LRRC37A2: variants seen among roughly 807,000 people sequenced by gnomAD.
LRRC37A2 encodes leucine-rich repeat-containing protein 37A2.
In LRRC37A2, 9 loss-of-function variants were observed where a neutral mutation model predicts 68.8. That is an observed-to-expected ratio of 0.13 (90% CI 0.08 to 0.23). LRRC37A2 has a LOEUF of 0.23. LRRC37A2 is among the 10% of genes least tolerant of loss of function. LRRC37A2 has a pLI of 1.00. For missense variants in LRRC37A2, 168 were observed against 950.4 expected (o/e 0.18, Z 10.82); for synonymous variants, 63 against 367.6 (o/e 0.17, Z 9.48).
chr17:46,536,699 A>G (rs1228528200), intron 6 of LRRC37A2, among the ~76,000 whole-genome samples: 1 of 938 alleles, frequency 1.1e-3, no homozygotes, highest in African/African-American at 0.011. Context: ...TACAGTTGCC[A>G]TGTTAAAACA....
At chr17:46,900,202 T>TATATACAC in the LRRC37A2 span, among the ~76,000 whole-genome samples, 39 of 101,152 alleles carry the variant, frequency 3.9e-4, no homozygotes, top group East Asian at 1.7e-3. Flanking sequence ...TATATATATA[T>TATATACAC]ACACACACAC....
the LRRC37A2 span, among the ~76,000 whole-genome samples, chr17:46,883,764 T>G: frequency 6.6e-6 from 1 of 152,152 alleles, no homozygotes; most frequent in African/African-American, 2.4e-5. Flanking sequence ...GGGCGACTGG[T>G]GGCATCTTCC....
At chr17:46,836,726 A>T in the LRRC37A2 span, among the ~76,000 whole-genome samples, 1 of 152,154 alleles carries the variant, frequency 6.6e-6, no homozygotes, top group Non-Finnish European at 1.5e-5. Context: ...GGAGGTGAGC[A>T]GGGTTGGCCA....
At chr17:46,935,317 G>A in the LRRC37A2 span, 2 of 1,522,174 alleles carry the variant, frequency 1.3e-6, no homozygotes, top group African/African-American at 1.4e-5. Flanking sequence ...GATCCTTTCT[G>A]TTGGAGTTGA....
the LRRC37A2 span, among the ~76,000 whole-genome samples, chr17:47,035,366 G>C: frequency 6.6e-6 from 1 of 152,134 alleles, no homozygotes; most frequent in East Asian, 1.9e-4. Flanking sequence ...AATCTACTTT[G>C]AGTCCCTATG....
At chr17:46,939,865 A>G in the LRRC37A2 span, 34 of 994,102 alleles carry the variant, frequency 3.4e-5, no homozygotes, top group Admixed American at 5.3e-5. Context: ...CCTGAAGTCC[A>G]TCTAATGTGG....
the LRRC37A2 span, among the ~76,000 whole-genome samples, chr17:46,771,282 G>C: frequency 6.6e-6 from 1 of 152,092 alleles, no homozygotes; most frequent in Non-Finnish European, 1.5e-5. Flanking sequence ...CCGACGTCCC[G>C]CGTCCAGTTG....
chr17:46,950,434 C>G, the LRRC37A2 span, among the ~76,000 whole-genome samples: 1 of 152,176 alleles, frequency 6.6e-6, no homozygotes, highest in Non-Finnish European at 1.5e-5. Flanking sequence ...AGTGTATGAT[C>G]AGTGCCAGAG....
At chr17:46,762,788 G>A in the LRRC37A2 span, 1 of 152,100 alleles carries the variant, frequency 6.6e-6, no homozygotes, top group African/African-American at 2.4e-5. Flanking sequence ...TCATTACAAT[G>A]CACTCATGTA....
At chr17:46,786,958 G>A in the LRRC37A2 span, among the ~76,000 whole-genome samples, 1 of 143,806 alleles carries the variant, frequency 7.0e-6, no homozygotes, top group South Asian at 2.2e-4. Context: ...TTTTTTTTGA[G>A]ACAGGGTCTC....
chr17:46,852,418 G>C, the LRRC37A2 span, among the ~76,000 whole-genome samples: 2 of 150,876 alleles, frequency 1.3e-5, no homozygotes, highest in Non-Finnish European at 3.0e-5. Flanking sequence ...GTGTGTGTGT[G>C]TGTGTGTGTG....
the LRRC37A2 span, among the ~76,000 whole-genome samples, chr17:46,718,296 A>T: frequency 6.6e-6 from 1 of 152,216 alleles, no homozygotes; most frequent in Admixed American, 6.5e-5. Context: ...CATACTGGCC[A>T]TGCCGGGCCA....
the LRRC37A2 span, among the ~76,000 whole-genome samples, chr17:46,742,227 T>C: frequency 6.6e-6 from 1 of 152,246 alleles, no homozygotes; most frequent in African/African-American, 2.4e-5. Flanking sequence ...TTCTTTAAAA[T>C]TTGTTGCTAT....
At chr17:46,934,479 G>A in the LRRC37A2 span, among the ~76,000 whole-genome samples, 1 of 151,976 alleles carries the variant, frequency 6.6e-6, no homozygotes, top group Non-Finnish European at 1.5e-5. Context: ...CTGAGATCGC[G>A]CCACTGCACT....
chr17:46,980,836 AAAAATAAAAT>A, the LRRC37A2 span, among the ~76,000 whole-genome samples: 3 of 151,944 alleles, frequency 2.0e-5, no homozygotes, highest in African/African-American at 7.2e-5. Flanking sequence ...CCGTCTCAAA[AAAAATAAAAT>A]AAAATAAAAT....
the LRRC37A2 span, among the ~76,000 whole-genome samples, chr17:46,785,516 C>T: frequency 6.6e-5 from 10 of 152,220 alleles, no homozygotes; most frequent in South Asian, 2.1e-4. Context: ...CCAGGAGCCC[C>T]GGAAACTCAC....
chr17:46,745,866 C>T, the LRRC37A2 span, among the ~76,000 whole-genome samples: 3 of 152,084 alleles, frequency 2.0e-5, no homozygotes, highest in East Asian at 3.9e-4. Flanking sequence ...TGTCTTTACT[C>T]GATTGTAATT....
At chr17:46,902,751 G>T in the LRRC37A2 span, among the ~76,000 whole-genome samples, 391 of 152,084 alleles carry the variant, frequency 2.6e-3, no homozygotes, top group Non-Finnish European at 4.4e-3. Context: ...CAACCCTGTG[G>T]TCAGTTTCCC....
the LRRC37A2 span, chr17:46,763,698 G>T: frequency 6.6e-6 from 1 of 152,048 alleles, no homozygotes; most frequent in Admixed American, 6.6e-5. Flanking sequence ...TTTGTACAGA[G>T]AATCTGCAGG....
Sources: gnomAD v4.1 joint callset for allele counts (sites outside exome capture counted in the v4.1 genomes callset) on GRCh38, gnomAD v4.1.1 for gene constraint, MANE v1.5 for transcripts, NCBI Gene and HGNC (gene_info 2026-07-23, HGNC 2026-07-21) for gene names.